Variants in CLIC1 observed in about 807,000 individuals in gnomAD.
CLIC1 encodes chloride intracellular channel protein 1.
CLIC1 carries 16 observed loss-of-function variants against 26.4 expected under a neutral mutation model. The ratio of observed to expected loss-of-function variants is 0.61; its 90% CI spans 0.41 to 0.92. CLIC1 has a LOEUF of 0.92. Ranked by LOEUF, CLIC1 falls within the 40% of genes least tolerant of loss-of-function variation. CLIC1 has a pLI of 0.00. For synonymous variants in CLIC1, 98 were observed against 120.8 expected, an observed-to-expected ratio of 0.81 and a Z score of 1.24; for missense variants, 225 against 289.7, an observed-to-expected ratio of 0.78 and a Z score of 1.62.
In CLIC1 at chr6:31,730,581, T is replaced by C. The variant is rs1021357678; in HGVS notation, c.*261A>G. On this transcript the variant is annotated 3_prime_UTR_variant, in exon 6 of 6. Coordinates refer to ENST00000375784, the Ensembl canonical transcript of CLIC1. The surrounding 1 kb of genome is among the most constrained non-coding windows in gnomAD (Gnocchi z 5.1). The stretch of plus-strand genomic sequence containing the variant: ...ATGTCGCCCACACTTTAAATCCCCA[T>C]TGCGTAAAAACACTTGATTTTTATT... The C allele has an allele frequency of 4.1e-6, 2 of 484,906 alleles. No individual in the cohort carries two copies. The highest frequency in any genetic ancestry group is 7.4e-6 in the Non-Finnish European group (2 of 271,130). 30.0% of individuals were successfully genotyped at this position (484,906 alleles called of 1,614,324 possible).
upstream of CLIC1, chr6:31,736,631 C>T: frequency 8.3e-7 from 1 of 1,208,664 alleles, no homozygotes; most frequent in South Asian, 2.6e-5. The surrounding 1 kb of genome is among the most constrained non-coding windows in gnomAD (Gnocchi z 5.0). Context: ...GGGGAATCCT[C>T]GGATCTCCCA....
At chr6:31,735,203 AG>A (rs1313830358) in intron 1 of CLIC1, among the ~76,000 whole-genome samples, 1 of 151,120 alleles carries the variant, frequency 6.6e-6, no homozygotes, top group African/African-American at 2.4e-5. Context: ...GAGAAACAAA[AG>A]GGGGGAAGGG....
chr6:31,734,168 G>A lies in CLIC1; in HGVS notation c.135C>T (p.Thr45=), dbSNP rs141106730. The A allele has an allele frequency of 4.7e-5, 76 of 1,613,518 alleles. No individual in the cohort carries two copies. The highest frequency in any genetic ancestry group is 6.1e-5 in the Non-Finnish European group (72 of 1,179,528). Reference sequence around the variant, plus strand: ...AGCAGGCCTACCTTTTGGTGTCAACGGTGGTAACATTGAAGGTGACTCCCT... The same window carrying A: ...AGCAGGCCTACCTTTTGGTGTCAACAGTGGTAACATTGAAGGTGACTCCCT... The change falls in exon 2 of 6, where the codon ACC becomes ACT. Residue 45 remains threonine, a synonymous_variant. Coordinates refer to ENST00000375784, the Ensembl canonical transcript of CLIC1. The surrounding 1 kb of genome is among the most constrained non-coding windows in gnomAD (Gnocchi z 5.3).
Position 31,732,115 on chromosome 6 carries a change from G to T in CLIC1, c.564+102C>A. On this transcript the variant is annotated intron_variant, in intron 5 of 5. Coordinates refer to ENST00000375784, the Ensembl canonical transcript of CLIC1. The surrounding 1 kb of genome is among the most constrained non-coding windows in gnomAD (Gnocchi z 5.0). ...TAGCAATTTATGAAAACCACCCTAA[G>T]AAAGAAATCGTCTTTAGAGTGGTTG... 1 of 1,020,282 alleles carries T rather than the reference G, an allele frequency of 9.8e-7. No homozygotes were observed. The highest frequency in any genetic ancestry group is 1.3e-6 in the Non-Finnish European group (1 of 742,532). 63.2% of individuals were successfully genotyped at this position (1,020,282 alleles called of 1,614,324 possible).
chr6:31,733,520 C>A lies in CLIC1; in HGVS notation c.382+46G>T, dbSNP rs1388943711. 4.2e-6 allele frequency: 6 copies of A among 1,426,980 alleles called. No homozygotes were observed. The highest frequency in any genetic ancestry group is 5.9e-6 in the Non-Finnish European group (6 of 1,012,950). 88.4% of individuals were successfully genotyped at this position (1,426,980 alleles called of 1,614,324 possible). ...CCTAATGTCTCCTACCCGCTGGGTC[C>A]TCTCTATTCCTCCCAGGACCCAGGC... On this transcript the variant is annotated intron_variant, in intron 4 of 5. Coordinates refer to ENST00000375784, the Ensembl canonical transcript of CLIC1. This position sits in a 1 kb window ranked among gnomAD's most constrained non-coding sequence, Gnocchi z 5.4.
Position 31,736,385 on chromosome 6 carries a change from ACT to A in CLIC1, c.-87_-86del, listed in dbSNP as rs1265523038. 9 of 1,606,672 alleles carry A rather than the reference ACT, an allele frequency of 5.6e-6. No homozygotes were observed. In the African/African-American group the frequency reaches 1.2e-4, roughly 22 times the overall value. On this transcript the variant is annotated 5_prime_UTR_variant, in exon 1 of 6. Transcript: ENST00000375784. This position sits in a 1 kb window ranked among gnomAD's most constrained non-coding sequence, Gnocchi z 5.0. ...GGGAAGGCGGGTCTCACACTCAGGG[ACT>A]CTCTCCCCTAGACCCAGGGCTGTCC... is the stretch of plus-strand genomic sequence containing the variant.
In CLIC1 at chr6:31,736,534, C is replaced by T. The variant is rs1331155884; in HGVS notation, c.-234G>A. On this transcript the variant is annotated 5_prime_UTR_variant, in exon 1 of 6. Transcript: ENST00000375784. This position sits in a 1 kb window ranked among gnomAD's most constrained non-coding sequence, Gnocchi z 5.0. ...CCTCTCCCGGGCTGGATCAGAGAGCCGCTGACTCACCGACCGGCCCCGCCC... is the reference window on the plus strand; with the variant it reads ...CCTCTCCCGGGCTGGATCAGAGAGCTGCTGACTCACCGACCGGCCCCGCCC... 67 of 1,365,720 alleles carry T rather than the reference C, an allele frequency of 4.9e-5. No individual in the cohort carries two copies. Among genetic ancestry groups the T allele is most frequent in the Non-Finnish European group, 6.2e-5 (66 of 1,058,312 alleles). 84.6% of individuals were successfully genotyped at this position (1,365,720 alleles called of 1,614,324 possible).
At position 31,734,400 on chromosome 6, in the gene CLIC1, T is replaced by C. The variant is rs776237460; in HGVS notation, c.40-137A>G. ...ACACTGTCCCCTCACTATGGGCTCT[T>C]TGCCCTTGGGCCTGGGTCAAACCTA... On this transcript the variant is annotated intron_variant, in intron 1 of 5. Transcript: ENST00000375784. The surrounding 1 kb of genome is among the most constrained non-coding windows in gnomAD (Gnocchi z 5.3). 5.8e-6 allele frequency: 4 copies of C among 689,360 alleles called. No homozygotes were observed. The highest frequency in any genetic ancestry group is 1.0e-5 in the Non-Finnish European group (4 of 396,754). 42.7% of individuals were successfully genotyped at this position (689,360 alleles called of 1,614,324 possible). A position where few individuals can be genotyped will look rare whatever the true frequency, so the allele number is the denominator to read the frequency against.
At chr6:31,735,744 C>A (rs1291568852) in intron 1 of CLIC1, among the ~76,000 whole-genome samples, 3 of 150,566 alleles carry the variant, frequency 2.0e-5, no homozygotes, top group African/African-American at 7.3e-5. Context: ...CAAAGCTTCC[C>A]AATTTACTTG....
In CLIC1 at chr6:31,736,480, C is replaced by A. The variant is rs960593378; in HGVS notation, c.-180G>T. On this transcript the variant is annotated 5_prime_UTR_variant, in exon 1 of 6. Transcript: ENST00000375784. The surrounding 1 kb of genome is among the most constrained non-coding windows in gnomAD (Gnocchi z 5.0). ...ACTAGGCCTCCCCACCAGCCCAACG[C>A]ACCCCACACCCAGCTCCTCCAGCTC... 2 of 1,408,398 alleles carry A rather than the reference C, an allele frequency of 1.4e-6. No homozygotes were observed. Among genetic ancestry groups the A allele is most frequent in the African/African-American group, 1.5e-5 (1 of 68,910 alleles). The allele number at this position is 1,408,398 out of a possible 1,614,324, so 87.2% of individuals were successfully genotyped here. A position where few individuals can be genotyped will look rare whatever the true frequency, so the allele number is the denominator to read the frequency against.
At chr6:31,735,264 G>A (rs1297776251) in intron 1 of CLIC1, among the ~76,000 whole-genome samples, 1 of 151,690 alleles carries the variant, frequency 6.6e-6, no homozygotes. Context: ...GCGTGCCAAC[G>A]GAGAGACACA....
chr6:31,734,031 C>A lies in CLIC1; in HGVS notation c.150-70G>T. 1 of 1,598,700 alleles carries A rather than the reference C, an allele frequency of 6.3e-7. No individual in the cohort carries two copies. On this transcript the variant is annotated intron_variant, in intron 2 of 5. Transcript: ENST00000375784. This position sits in a 1 kb window ranked among gnomAD's most constrained non-coding sequence, Gnocchi z 5.3. ...AGAACCAGAAAGGGGGAATGGAGGA[C>A]GTGGGATAAGAAAGGGACTCCAGGG...
intron 5 of CLIC1, 133 bp from the exon 6 acceptor site, chr6:31,731,136 C>T (rs2151313358): frequency 1.5e-6 from 1 of 652,784 alleles, no homozygotes; most frequent in South Asian, 2.7e-5. Flanking sequence ...AGCCTTCCTT[C>T]TCACTTACTG....
In CLIC1 at chr6:31,736,201, G is replaced by A. The variant is rs568496357; in HGVS notation, c.39+61C>T. 7.9e-5 allele frequency: 124 copies of A among 1,561,150 alleles called. 1 individual carries two copies. In the South Asian group the frequency reaches 1.0e-3, roughly 13 times the overall value. Reference sequence around the variant, plus strand: ...GGGATTGGGGAGTTAAGGCTGGACCGGGGGAAAGGTGAGAGTTGGCTTCCA... The same window carrying A: ...GGGATTGGGGAGTTAAGGCTGGACCAGGGGAAAGGTGAGAGTTGGCTTCCA... On this transcript the variant is annotated intron_variant, in intron 1 of 5. Transcript: ENST00000375784. This position sits in a 1 kb window ranked among gnomAD's most constrained non-coding sequence, Gnocchi z 5.0.
upstream of CLIC1, chr6:31,736,928 C>T (rs867371228): frequency 9.1e-6 from 9 of 985,542 alleles, no homozygotes; most frequent in Non-Finnish European, 1.1e-5. The surrounding 1 kb of genome is among the most constrained non-coding windows in gnomAD (Gnocchi z 5.0). Flanking sequence ...GAGAAGAACT[C>T]GGAAGTGGAA....
At position 31,730,874 on chromosome 6, in the gene CLIC1, C is replaced by T. The variant is rs1028685939; in HGVS notation, c.694G>A (p.Ala232Thr). The T allele has an allele frequency of 1.2e-6, 2 of 1,613,084 alleles. No individual in the cohort carries two copies. The highest frequency in any genetic ancestry group is 1.3e-5 in the African/African-American group (1 of 75,050). Residue 232 changes from alanine to threonine, a missense_variant, in exon 6 of 6, where the codon GCC (alanine) becomes ACC (threonine). By Grantham distance (58) the Ala-to-Thr change is moderately conservative. Coordinates refer to ENST00000375784, the Ensembl canonical transcript of CLIC1. The surrounding 1 kb of genome is among the most constrained non-coding windows in gnomAD (Gnocchi z 5.1). Reference sequence around the variant, plus strand: ...AGGGCCTTTGCCACTTGCTCATAGGCGAGCTCGATCTCCTCATCATCTGGA... The same window carrying T: ...AGGGCCTTTGCCACTTGCTCATAGGTGAGCTCGATCTCCTCATCATCTGGA...
Position 31,733,954 on chromosome 6 carries a change from C to T in CLIC1, c.157G>A (p.Glu53Lys), listed in dbSNP as rs746346123. Reference sequence around the variant, plus strand: ...CCTGGGCACAGCTTCTGCACTGTCTCGGTCCGCCTGGAGAAAGGATCAGGA... The same window carrying T: ...CCTGGGCACAGCTTCTGCACTGTCTTGGTCCGCCTGGAGAAAGGATCAGGA... The change falls in exon 3 of 6, where the codon GAG becomes AAG. Residue 53 changes from glutamate to lysine, a missense_variant. Physicochemically the swap from Glu to Lys is moderately conservative, Grantham distance 56. Coordinates refer to ENST00000375784, the Ensembl canonical transcript of CLIC1. The surrounding 1 kb of genome is among the most constrained non-coding windows in gnomAD (Gnocchi z 5.4). 28 of 1,612,566 alleles carry T rather than the reference C, an allele frequency of 1.7e-5. No homozygotes were observed. Among genetic ancestry groups the T allele is most frequent in the African/African-American group, 9.4e-5 (7 of 74,840 alleles).
upstream of CLIC1, chr6:31,736,775 T>A (rs1808360206): frequency 2.0e-6 from 2 of 993,770 alleles, no homozygotes; most frequent in Non-Finnish European, 2.4e-6. This position sits in a 1 kb window ranked among gnomAD's most constrained non-coding sequence, Gnocchi z 5.0. Context: ...CTGACCCTCA[T>A]ATAAAAAACT....
chr6:31,734,109 A>G lies in CLIC1; in HGVS notation c.149+45T>C, dbSNP rs376901386. ...GACTCGGGTGGGTGTGTGTTTGCAC[A>G]CATGTGTACACCAGGGGTGTTTCAA... is the stretch of plus-strand genomic sequence containing the variant. On this transcript the variant is annotated intron_variant, in intron 2 of 5. Transcript: ENST00000375784. This position sits in a 1 kb window ranked among gnomAD's most constrained non-coding sequence, Gnocchi z 5.3. 6.3e-7 allele frequency: 1 copy of G among 1,591,148 alleles called. No individual in the cohort carries two copies. The highest frequency in any genetic ancestry group is 1.1e-5 in the South Asian group (1 of 90,644).
Sources: allele counts gnomAD v4.1 joint callset (sites outside exome capture counted in the v4.1 genomes callset), GRCh38; gene constraint gnomAD v4.1.1; non-coding constraint Gnocchi (gnomAD v3.1); transcripts MANE v1.5; gene names NCBI Gene and HGNC (gene_info 2026-07-23, HGNC 2026-07-21).